Variants in HOOK3 observed in about 807,000 individuals in gnomAD.
The protein encoded by HOOK3 is protein Hook homolog 3.
HOOK3 carries 24 observed loss-of-function variants against 116.3 expected under a neutral mutation model. The observed-to-expected ratio is 0.21, with a 90% CI of 0.15 to 0.29. The LOEUF (loss-of-function observed/expected upper bound fraction) is 0.29. Ranked by LOEUF, HOOK3 falls within the 10% of genes least tolerant of loss-of-function variation. The probability of loss-of-function intolerance (pLI) is 1.00; values close to 1 mark genes in which losing one functional copy is unlikely to be tolerated. For synonymous variants in HOOK3, 275 were observed against 283.0 expected (o/e 0.97, Z 0.28); for missense variants, 632 against 830.2 (o/e 0.76, Z 2.93).
In HOOK3 at chr8:43,002,166, G is replaced by T; in HGVS notation, c.1655+25G>T. 1.9e-6 allele frequency: 3 copies of T among 1,568,386 alleles called. No individual in the cohort carries two copies. In the South Asian group the frequency reaches 3.3e-5, roughly 17 times the overall value. On this transcript the variant is annotated intron_variant, in intron 17 of 21. Coordinates refer to ENST00000307602, the MANE Select transcript of HOOK3 (RefSeq NM_032410.4). ...TGTAAGTATAAAAGCTGTTGAGGCTGATTCTTCTATAGTGGAACACATGTG... is the reference window on the plus strand; with the variant it reads ...TGTAAGTATAAAAGCTGTTGAGGCTTATTCTTCTATAGTGGAACACATGTG...
At chr8:43,001,097 G>A (rs1017689059) in intron 16 of HOOK3, 1 of 151,740 alleles carries the variant, frequency 6.6e-6, no homozygotes, top group African/African-American at 2.4e-5. Flanking sequence ...GTGAGATCCT[G>A]TCTCTATTTT....
At chr8:42,903,849 G>A (rs1040892111) in intron 1 of HOOK3, among the ~76,000 whole-genome samples, 2 of 151,696 alleles carry the variant, frequency 1.3e-5, no homozygotes, top group African/African-American at 2.4e-5. Context: ...CCAGCTACTC[G>A]GGGGGCTGAG....
chr8:42,937,993 A>C (rs1181268383), intron 4 of HOOK3, among the ~76,000 whole-genome samples: 1 of 152,146 alleles, frequency 6.6e-6, no homozygotes, highest in African/African-American at 2.4e-5. Flanking sequence ...GTGGGGTGTT[A>C]AAGTCTCCCA....
chr8:42,952,937 C>A (rs1035108620), intron 6 of HOOK3, among the ~76,000 whole-genome samples: 1 of 152,060 alleles, frequency 6.6e-6, no homozygotes, highest in African/African-American at 2.4e-5. Flanking sequence ...CTGTGCCGTT[C>A]TTAATACATG....
intron 1 of HOOK3, among the ~76,000 whole-genome samples, chr8:42,898,180 G>C (rs1032645726): frequency 2.0e-5 from 3 of 152,256 alleles, no homozygotes; most frequent in Admixed American, 2.0e-4. Flanking sequence ...TTGCTGGAAA[G>C]GCTGGAGAAG....
At chr8:43,017,843 G>C (rs1190130116) in intron 21 of HOOK3, among the ~76,000 whole-genome samples, 2 of 152,036 alleles carry the variant, frequency 1.3e-5, no homozygotes, top group African/African-American at 4.8e-5. Context: ...CTCTGTTGTG[G>C]ACTGTCAGGA....
At chr8:42,970,160 G>T (rs1808701207) in intron 11 of HOOK3, among the ~76,000 whole-genome samples, 1 of 152,164 alleles carries the variant, frequency 6.6e-6, no homozygotes, top group Non-Finnish European at 1.5e-5. Flanking sequence ...TGGATAACCA[G>T]TCAGCCTACC....
intron 8 of HOOK3, among the ~76,000 whole-genome samples, chr8:42,962,947 G>A (rs183408187): frequency 2.6e-5 from 4 of 151,722 alleles, no homozygotes; most frequent in African/African-American, 4.8e-5. Flanking sequence ...GATTACAGGC[G>A]TTTGCCACCA....
At chr8:42,957,336 T>G (rs1347725533) in intron 7 of HOOK3, among the ~76,000 whole-genome samples, 180 bp downstream of exon 7, 1 of 152,198 alleles carries the variant, frequency 6.6e-6, no homozygotes, top group Non-Finnish European at 1.5e-5. Flanking sequence ...TATAATTAAG[T>G]TTATAATTTG....
At chr8:42,940,451 C>T (rs567837346) in intron 4 of HOOK3, among the ~76,000 whole-genome samples, 107 of 152,304 alleles carry the variant, frequency 7.0e-4, no homozygotes, top group African/African-American at 2.4e-3. Flanking sequence ...AGCCTCGGCT[C>T]GGCATCAGAG....
At chr8:42,955,040 G>A (rs569444535) in intron 6 of HOOK3, among the ~76,000 whole-genome samples, 4 of 152,296 alleles carry the variant, frequency 2.6e-5, no homozygotes, top group South Asian at 2.1e-4. Flanking sequence ...TTTTTGAGTA[G>A]CACTGAAGGC....
chr8:42,949,705 G>A (rs1808301160), intron 5 of HOOK3, among the ~76,000 whole-genome samples: 1 of 152,104 alleles, frequency 6.6e-6, no homozygotes, highest in Non-Finnish European at 1.5e-5. Flanking sequence ...GGATCACGAG[G>A]TCAAGAGATT....
chr8:42,912,745 G>A (rs1016977182), intron 2 of HOOK3, among the ~76,000 whole-genome samples: 2 of 152,140 alleles, frequency 1.3e-5, no homozygotes, highest in African/African-American at 4.8e-5. Flanking sequence ...AGATAAACCA[G>A]CACTGGCACA....
rs994747008 is a variant in HOOK3, at chr8:42,968,200, A to G, written c.1108A>G (p.Thr370Ala). ...CAACGCAGCGCGAAGTCAACTTGAAACCTACAAGAGACAGGTAAAAGAAAC... is the reference window on the plus strand; with the variant it reads ...CAACGCAGCGCGAAGTCAACTTGAAGCCTACAAGAGACAGGTAAAAGAAAC... ...KANAARSQLE[T>A]YKRQVVELQN... The change falls in exon 11 of 22, where the codon ACC (threonine) becomes GCC (alanine). Residue 370 changes from threonine to alanine, a missense_variant. Physicochemically the swap from Thr to Ala is moderately conservative, Grantham distance 58. Transcript: ENST00000307602. 1 of 1,613,020 alleles carries G rather than the reference A, an allele frequency of 6.2e-7. No individual in the cohort carries two copies. The highest frequency in any genetic ancestry group is 8.5e-7 in the Non-Finnish European group (1 of 1,179,380).
chr8:42,897,232 C>G (rs1264745670), intron 1 of HOOK3, 44 bp downstream of exon 1: 3 of 1,202,046 alleles, frequency 2.5e-6, no homozygotes, highest in Non-Finnish European at 3.1e-6. Context: ...CCTCCCCCCG[C>G]CACCTACCGG....
chr8:42,923,234 A>G (rs1807695575), intron 2 of HOOK3, among the ~76,000 whole-genome samples: 1 of 152,248 alleles, frequency 6.6e-6, no homozygotes, highest in South Asian at 2.1e-4. Flanking sequence ...GCTGTAGAGA[A>G]CATACATTGC....
chr8:43,015,804 C>T (rs528010613), intron 21 of HOOK3, among the ~76,000 whole-genome samples: 29 of 152,036 alleles, frequency 1.9e-4, no homozygotes, highest in African/African-American at 4.6e-4. Flanking sequence ...CTGCAACCTC[C>T]GCCTCCCGGG....
intron 21 of HOOK3, among the ~76,000 whole-genome samples, chr8:43,016,349 T>TG (rs1241027124): frequency 6.6e-6 from 1 of 152,098 alleles, no homozygotes; most frequent in Admixed American, 6.6e-5. Flanking sequence ...CTCAATCTCC[T>TG]GACTTCATGA....
At chr8:42,900,257 C>T (rs1014572743) in intron 1 of HOOK3, among the ~76,000 whole-genome samples, 1 of 152,166 alleles carries the variant, frequency 6.6e-6, no homozygotes, top group Non-Finnish European at 1.5e-5. Context: ...ACTGTGCCTC[C>T]TCTCTCCACC....
Sources: gnomAD v4.1 joint callset for allele counts (sites outside exome capture counted in the v4.1 genomes callset) on GRCh38, gnomAD v4.1.1 for gene constraint, MANE v1.5 for transcripts, NCBI Gene and HGNC (gene_info 2026-07-23, HGNC 2026-07-21) for gene names.